Variants in FIP1L1 observed in about 807,000 individuals in gnomAD.
FIP1L1 encodes pre-mRNA 3'-end-processing factor FIP1.
A neutral mutation model predicts 84.6 loss-of-function variants in FIP1L1; 21 were observed. The observed-to-expected ratio is 0.25, with a 90% CI of 0.18 to 0.36. The LOEUF is 0.36. Ranked by LOEUF, FIP1L1 falls within the 10% of genes least tolerant of loss-of-function variation. The pLI is 1.00. For synonymous variants in FIP1L1, 263 were observed against 242.3 expected (o/e 1.09, Z -0.80); for missense variants, 526 against 751.1 (o/e 0.70, Z 3.50).
intron 9 of FIP1L1, among the ~76,000 whole-genome samples, chr4:53,396,618 C>T (rs896170961): frequency 4.4e-4 from 67 of 152,178 alleles, no homozygotes; most frequent in African/African-American, 1.6e-3. Context: ...GTTGTCCAGG[C>T]TGGTCTCGAA....
At chr4:53,421,628 T>C (rs973505207) in intron 11 of FIP1L1, among the ~76,000 whole-genome samples, 3 of 152,240 alleles carry the variant, frequency 2.0e-5, no homozygotes, top group Non-Finnish European at 2.9e-5. Context: ...TCTAGGCTTT[T>C]TCTTAGCAAA....
intron 13 of FIP1L1, among the ~76,000 whole-genome samples, chr4:53,433,880 A>G (rs959634474): frequency 6.6e-6 from 1 of 151,860 alleles, no homozygotes; most frequent in Non-Finnish European, 1.5e-5. Context: ...TACTAATTTC[A>G]TGAACTTTAA....
intron 3 of FIP1L1, among the ~76,000 whole-genome samples, chr4:53,380,279 C>A (rs1474736799): frequency 6.6e-6 from 1 of 152,186 alleles, no homozygotes; most frequent in African/African-American, 2.4e-5. Flanking sequence ...TATATCCATA[C>A]AGCGGAATAT....
At chr4:53,410,194 G>A (rs1756431089) in intron 10 of FIP1L1, among the ~76,000 whole-genome samples, 1 of 152,214 alleles carries the variant, frequency 6.6e-6, no homozygotes, top group South Asian at 2.1e-4. Context: ...ATGGTTCATT[G>A]TTGCATAGAG....
intron 10 of FIP1L1, among the ~76,000 whole-genome samples, 171 bp from the exon 11 acceptor site, chr4:53,414,444 A>G (rs1472612754): frequency 6.6e-6 from 1 of 152,024 alleles, no homozygotes; most frequent in African/African-American, 2.4e-5. Context: ...TAGCACATCT[A>G]TATTTAAATA....
At chr4:53,404,247 G>A (rs1048906855) in intron 10 of FIP1L1, among the ~76,000 whole-genome samples, 1 of 143,034 alleles carries the variant, frequency 7.0e-6, no homozygotes, top group Non-Finnish European at 1.5e-5. Flanking sequence ...ACCTATGAGT[G>A]AGAATATGCG....
chr4:53,459,200 A>T, intron 17 of FIP1L1, 102 bp from the exon 18 acceptor site: 1 of 793,140 alleles, frequency 1.3e-6, no homozygotes, highest in Non-Finnish European at 2.0e-6. Flanking sequence ...AGATTATTTT[A>T]AACCCAGTGT....
At chr4:53,450,209 T>C (rs993134211) in intron 15 of FIP1L1, among the ~76,000 whole-genome samples, 3 of 152,200 alleles carry the variant, frequency 2.0e-5, no homozygotes, top group African/African-American at 7.2e-5. Context: ...GAACAACTTG[T>C]ATCCCTAAAC....
intron 16 of FIP1L1, among the ~76,000 whole-genome samples, chr4:53,456,100 G>C (rs776111703): frequency 3.3e-5 from 5 of 152,068 alleles, no homozygotes; most frequent in Non-Finnish European, 7.4e-5. Flanking sequence ...TGTTTCTAAT[G>C]TGGAAATGAA....
At chr4:53,404,619 G>A (rs1300297254) in intron 10 of FIP1L1, among the ~76,000 whole-genome samples, 4 of 150,940 alleles carry the variant, frequency 2.7e-5, no homozygotes, top group African/African-American at 7.3e-5. Flanking sequence ...CTACTTTACA[G>A]TCCCACCAAC....
At chr4:53,378,758 T>G (rs1252544535) in intron 1 of FIP1L1, 1 of 300,742 alleles carries the variant, frequency 3.3e-6, no homozygotes, top group Non-Finnish European at 6.1e-6. Flanking sequence ...TTAATGTTTG[T>G]TCCTTGCCTA....
At chr4:53,407,185 G>T (rs1322239434) in intron 10 of FIP1L1, among the ~76,000 whole-genome samples, 1 of 152,034 alleles carries the variant, frequency 6.6e-6, no homozygotes, top group Non-Finnish European at 1.5e-5. Context: ...CTTTGAATGT[G>T]TCCCAGAGAT....
intron 15 of FIP1L1, among the ~76,000 whole-genome samples, chr4:53,447,832 CTA>C (rs1491465391): frequency 6.6e-6 from 1 of 151,980 alleles, no homozygotes; most frequent in East Asian, 1.9e-4. Flanking sequence ...TAATTTTACT[CTA>C]TTTTAAATAT....
chr4:53,452,870 G>T (rs1465771907), intron 15 of FIP1L1, 50 bp from the exon 16 acceptor site: 1 of 1,450,108 alleles, frequency 6.9e-7, no homozygotes. Flanking sequence ...TGGGCATTTT[G>T]TTTTTTTAAA....
chr4:53,404,768 G>T (rs1163878945), intron 10 of FIP1L1, among the ~76,000 whole-genome samples: 1 of 152,094 alleles, frequency 6.6e-6, no homozygotes, highest in African/African-American at 2.4e-5. Context: ...GCCAGTGATG[G>T]TGAGCATTTT....
intron 13 of FIP1L1, among the ~76,000 whole-genome samples, chr4:53,433,309 G>T (rs1420722519): frequency 2.0e-5 from 3 of 152,136 alleles, no homozygotes; most frequent in Non-Finnish European, 2.9e-5. Context: ...GATAGCCCCT[G>T]TAACCTCTAT....
chr4:53,452,276 A>ATT lies in FIP1L1; in HGVS notation c.1286-643_1286-642dup, dbSNP rs1177231529. Among the ~76,000 whole-genome samples the ATT allele has an allele frequency of 7.9e-5, 12 of 151,324 alleles. No homozygotes were observed. The East Asian group carries it at 2.1e-3, about 27-fold the overall frequency. Reference sequence around the variant, plus strand: ...GGCTGTTTGAATCTTGAAATAAAATATTGTTGAGTACACTTTTCTAGGTTG... The same window carrying ATT: ...GGCTGTTTGAATCTTGAAATAAAATATTTTGTTGAGTACACTTTTCTAGGTTG... On this transcript the variant is annotated intron_variant, in intron 15 of 17. Transcript: ENST00000337488.
intron 10 of FIP1L1, among the ~76,000 whole-genome samples, chr4:53,408,414 G>T (rs1427912379): frequency 6.6e-6 from 1 of 152,062 alleles, no homozygotes; most frequent in Non-Finnish European, 1.5e-5. Flanking sequence ...CTTTCTCTCT[G>T]GCTGCCCTGA....
intron 5 of FIP1L1, among the ~76,000 whole-genome samples, chr4:53,384,224 C>G (rs779811340): frequency 1.3e-5 from 2 of 152,100 alleles, no homozygotes; most frequent in Non-Finnish European, 2.9e-5. Context: ...GCCTGACCAG[C>G]ATGGTGAAAC....
Sources: gnomAD v4.1 joint callset for allele counts (sites outside exome capture counted in the v4.1 genomes callset) on GRCh38, gnomAD v4.1.1 for gene constraint, MANE v1.5 for transcripts, NCBI Gene and HGNC (gene_info 2026-07-23, HGNC 2026-07-21) for gene names.